Variants in MELK observed in about 807,000 individuals in gnomAD.
MELK encodes maternal embryonic leucine zipper kinase, also known as pEg3 kinase.
MELK carries 81 observed loss-of-function variants against 85.0 expected under a neutral mutation model. The observed-to-expected ratio is 0.95, with a 90% CI of 0.80 to 1.15. The LOEUF is 1.15. Among genes scored for constraint, MELK ranks in the 50% most tolerant of loss-of-function variants. MELK has a pLI of 0.00. For synonymous variants in MELK, 252 were observed against 265.0 expected (o/e 0.95, Z 0.48); for missense variants, 754 against 777.5 (o/e 0.97, Z 0.36).
At chr9:36,631,594 T>C (rs914937711) in intron 9 of MELK, among the ~76,000 whole-genome samples, 4 of 151,462 alleles carry the variant, frequency 2.6e-5, no homozygotes, top group Non-Finnish European at 4.4e-5. Flanking sequence ...AAAAATTTTA[T>C]AGACAGGGTT....
intron 3 of MELK, among the ~76,000 whole-genome samples, chr9:36,588,671 G>A (rs557524112): frequency 3.9e-5 from 6 of 152,132 alleles, no homozygotes; most frequent in East Asian, 3.9e-4. Context: ...GATCCACTGC[G>A]CCCTGCCTCA....
At chr9:36,633,796 C>G (rs1049565505) in intron 10 of MELK, among the ~76,000 whole-genome samples, 1 of 152,260 alleles carries the variant, frequency 6.6e-6, no homozygotes, top group Non-Finnish European at 1.5e-5. Context: ...ACCTGTATAG[C>G]CACCTGCTTC....
rs1040455255 is a variant in MELK, at chr9:36,619,432, G to A, written c.667-10867G>A. Reference sequence around the variant, plus strand: ...ATGAGTATAACTGGGGCTAGGATTGGCATTCTTCTGTAAACATTGAGCCTT... The same window carrying A: ...ATGAGTATAACTGGGGCTAGGATTGACATTCTTCTGTAAACATTGAGCCTT... On this transcript the variant is annotated intron_variant, in intron 8 of 17. Coordinates refer to ENST00000298048, the MANE Select transcript of MELK (RefSeq NM_014791.4). 2.0e-5 allele frequency among the ~76,000 whole-genome samples: 3 copies of A among 152,234 alleles called. No homozygotes were observed. The South Asian group carries it at 6.2e-4, about 32-fold the overall frequency.
intron 10 of MELK, among the ~76,000 whole-genome samples, chr9:36,636,955 C>T (rs943816354): frequency 6.6e-5 from 10 of 152,152 alleles, no homozygotes; most frequent in South Asian, 2.1e-4. Context: ...CTCCCTCGGC[C>T]TCCCGAGTAG....
At position 36,588,898 on chromosome 9, in the gene MELK, C is replaced by T. The variant is rs73436964; in HGVS notation, c.145-638C>T. Among the ~76,000 whole-genome samples, 867 of 152,210 alleles carry T rather than the reference C, an allele frequency of 5.7e-3. 9 individuals carry two copies. The highest frequency in any genetic ancestry group is 0.02 in the African/African-American group (833 of 41,548). ...TTTTTTGCTCAGCATGCTTCTTAAA[C>T]GGTGTTGCTGAGGCTGAAAGTGGTA... On this transcript the variant is annotated intron_variant, in intron 3 of 17. Transcript: ENST00000298048.
At chr9:36,619,873 G>A (rs554511667) in intron 8 of MELK, among the ~76,000 whole-genome samples, 3 of 152,300 alleles carry the variant, frequency 2.0e-5, no homozygotes, top group South Asian at 2.1e-4. Context: ...TGAAGTGTGT[G>A]TGTTGCATAT....
chr9:36,594,857 C>CT, intron 5 of MELK, 86 bp downstream of exon 5: 1 of 1,415,152 alleles, frequency 7.1e-7, no homozygotes, highest in Non-Finnish European at 9.4e-7. Context: ...GATTAGGAAT[C>CT]TATCTTTGGT....
At chr9:36,666,438 A>G (rs10973015) in intron 14 of MELK, among the ~76,000 whole-genome samples, 21,501 of 152,164 alleles carry the variant, frequency 0.14, 1,737 homozygotes, top group Middle Eastern at 0.18. Flanking sequence ...TGCCTAGTAC[A>G]TAATAGGGGC....
At chr9:36,663,176 G>A (rs925967691) in intron 13 of MELK, among the ~76,000 whole-genome samples, 3 of 151,634 alleles carry the variant, frequency 2.0e-5, no homozygotes, top group Non-Finnish European at 4.4e-5. Context: ...TGCTTCCCAG[G>A]TTCAAGCGAT....
At chr9:36,592,706 T>G (rs1823756662) in intron 4 of MELK, among the ~76,000 whole-genome samples, 1 of 152,210 alleles carries the variant, frequency 6.6e-6, no homozygotes, top group East Asian at 1.9e-4. Context: ...ACATTTTTAT[T>G]TCTCTTTATT....
At chr9:36,651,439 A>G (rs1202221877) in intron 11 of MELK, among the ~76,000 whole-genome samples, 1 of 152,222 alleles carries the variant, frequency 6.6e-6, no homozygotes, top group Admixed American at 6.5e-5. Flanking sequence ...TTCTCATACT[A>G]GGAAATTTAT....
At chr9:36,638,364 C>T (rs1338371953) in intron 10 of MELK, among the ~76,000 whole-genome samples, 3 of 152,102 alleles carry the variant, frequency 2.0e-5, no homozygotes, top group Non-Finnish European at 4.4e-5. Context: ...CGGCTCACCG[C>T]AGCCTCTTCC....
At chr9:36,581,994 G>A (rs376596728) in intron 2 of MELK, among the ~76,000 whole-genome samples, 23 of 151,438 alleles carry the variant, frequency 1.5e-4, no homozygotes, top group African/African-American at 5.3e-4. Context: ...TTGAGACGGA[G>A]TCTCACTCTG....
At chr9:36,614,074 T>C (rs1185469496) in intron 8 of MELK, among the ~76,000 whole-genome samples, 1 of 150,692 alleles carries the variant, frequency 6.6e-6, no homozygotes, top group Non-Finnish European at 1.5e-5. Flanking sequence ...GTGGAGGTGG[T>C]AAAAAGTGGG....
chr9:36,641,140 G>A lies in MELK; in HGVS notation c.835-1857G>A, dbSNP rs566487168. Among the ~76,000 whole-genome samples, 8 of 152,290 alleles carry A rather than the reference G, an allele frequency of 5.3e-5. No homozygotes were observed. In the South Asian group the frequency reaches 1.7e-3, roughly 32 times the overall value. On this transcript the variant is annotated intron_variant, in intron 10 of 17. Transcript: ENST00000298048. Reference sequence around the variant, plus strand: ...GTGGAGGTTGGCGGAACTAGAAAACGGAAGACTTGCAGAGGAAAGGTTGCT... The same window carrying A: ...GTGGAGGTTGGCGGAACTAGAAAACAGAAGACTTGCAGAGGAAAGGTTGCT...
intron 17 of MELK, among the ~76,000 whole-genome samples, chr9:36,676,618 A>G (rs749292054): frequency 3.3e-5 from 5 of 152,160 alleles, no homozygotes; most frequent in African/African-American, 4.8e-5. Flanking sequence ...TCTTTCTGCC[A>G]TAAAGTGATG....
intron 13 of MELK, among the ~76,000 whole-genome samples, chr9:36,663,941 T>C (rs927037903): frequency 4.6e-5 from 7 of 152,250 alleles, no homozygotes; most frequent in Non-Finnish European, 1.0e-4. Context: ...GTCCATACTA[T>C]GTATATCTGG....
chr9:36,577,633 C>T (rs1037087506), intron 1 of MELK, among the ~76,000 whole-genome samples: 7 of 151,118 alleles, frequency 4.6e-5, no homozygotes, highest in Admixed American at 3.3e-4. Context: ...CACCTGGCCT[C>T]GACTAGATTT....
intron 11 of MELK, among the ~76,000 whole-genome samples, 186 bp from the exon 12 acceptor site, chr9:36,651,560 G>A (rs562997661): frequency 6.6e-6 from 1 of 152,260 alleles, no homozygotes; most frequent in East Asian, 1.9e-4. Flanking sequence ...TGTTCCTTAG[G>A]GGGAGTGGAA....
Sources: allele counts gnomAD v4.1 joint callset (sites outside exome capture counted in the v4.1 genomes callset), GRCh38; gene constraint gnomAD v4.1.1; transcripts MANE v1.5; gene names NCBI Gene and HGNC (gene_info 2026-07-23, HGNC 2026-07-21).